Variants in NTNG2 observed in about 807,000 individuals in gnomAD.
NTNG2 encodes the protein netrin-G2.
Under a neutral mutation model 47.6 loss-of-function variants are expected in NTNG2, and 15 were observed. The observed-to-expected ratio is 0.32, with a 90% CI of 0.21 to 0.49. The LOEUF is 0.49. Ranked by LOEUF, NTNG2 falls within the 20% of genes least tolerant of loss-of-function variation. The pLI, the probability that NTNG2 is intolerant of heterozygous loss-of-function variation, is 0.99. For missense variants in NTNG2, 578 were observed against 764.6 expected (o/e 0.76, Z 2.88); for synonymous variants, 307 against 324.6 (o/e 0.95, Z 0.58).
At chr9:132,237,849 G>A (rs992207584) in intron 5 of NTNG2, among the ~76,000 whole-genome samples, 10 of 152,188 alleles carry the variant, frequency 6.6e-5, no homozygotes, top group African/African-American at 1.9e-4. Context: ...TGGGACACAC[G>A]GGTCACCGAT....
In NTNG2 at chr9:132,208,046, G is replaced by A. The variant is rs1839304276; in HGVS notation, c.857+9437G>A. 6.6e-6 allele frequency among the ~76,000 whole-genome samples: 1 copy of A among 152,160 alleles called. No homozygotes were observed. Among genetic ancestry groups the A allele is most frequent in the Non-Finnish European group, 1.5e-5 (1 of 68,030 alleles). On this transcript the variant is annotated intron_variant, in intron 3 of 7. Coordinates refer to ENST00000393229, the MANE Select transcript of NTNG2 (RefSeq NM_032536.4). The surrounding 1 kb of genome is among the most constrained non-coding windows in gnomAD (Gnocchi z 4.0). ...TTGAGCCCAGGAAGTCAAGCCTGCAGTGAGTTATGACTGTGCTACTGCACT... is the reference window on the plus strand; with the variant it reads ...TTGAGCCCAGGAAGTCAAGCCTGCAATGAGTTATGACTGTGCTACTGCACT...
At chr9:132,202,624 G>A (rs1479947042) in intron 3 of NTNG2, among the ~76,000 whole-genome samples, 1 of 152,230 alleles carries the variant, frequency 6.6e-6, no homozygotes, top group African/African-American at 2.4e-5. Context: ...GGCAGAATCT[G>A]GATTTGAGGA....
At chr9:132,173,237 T>C (rs1836071321) in intron 2 of NTNG2, among the ~76,000 whole-genome samples, 1 of 152,208 alleles carries the variant, frequency 6.6e-6, no homozygotes, top group Non-Finnish European at 1.5e-5. Flanking sequence ...TCTCTTGAAA[T>C]GCCCGAGGCA....
intron 2 of NTNG2, among the ~76,000 whole-genome samples, chr9:132,184,661 C>G (rs1046441512): frequency 1.3e-5 from 2 of 152,190 alleles, no homozygotes; most frequent in African/African-American, 4.8e-5. Flanking sequence ...TGGTGGCTCA[C>G]GCCTGTAATC....
chr9:132,194,431 C>A (rs1231962681), intron 2 of NTNG2, among the ~76,000 whole-genome samples: 2 of 152,216 alleles, frequency 1.3e-5, no homozygotes, highest in African/African-American at 4.8e-5. Flanking sequence ...AGTCCCTCAC[C>A]ATTCCAGGCA....
chr9:132,184,467 G>C (rs1837186100), intron 2 of NTNG2, among the ~76,000 whole-genome samples: 2 of 152,238 alleles, frequency 1.3e-5, no homozygotes, highest in Non-Finnish European at 2.9e-5. Flanking sequence ...TGCTCCCTTG[G>C]GACTGGGGGG....
intron 2 of NTNG2, among the ~76,000 whole-genome samples, chr9:132,191,724 G>A (rs951870711): frequency 5.9e-5 from 9 of 152,002 alleles, no homozygotes; most frequent in African/African-American, 1.2e-4. Flanking sequence ...GGCGCCCGCC[G>A]CTACACCCGG....
At chr9:132,195,062 T>G (rs1364895940) in intron 2 of NTNG2, among the ~76,000 whole-genome samples, 3 of 152,272 alleles carry the variant, frequency 2.0e-5, no homozygotes, top group Non-Finnish European at 4.4e-5. Context: ...TCCGGAGCAC[T>G]GGGTGGTTGT....
At chr9:132,198,731 T>G in intron 3 of NTNG2, 122 bp downstream of exon 3, 2 of 1,068,826 alleles carry the variant, frequency 1.9e-6, no homozygotes, top group Non-Finnish European at 2.7e-6. Context: ...CTTGGGATGT[T>G]ACCTGGTTCC....
At chr9:132,188,449 TG>T (rs1028334802) in intron 2 of NTNG2, among the ~76,000 whole-genome samples, 1 of 152,196 alleles carries the variant, frequency 6.6e-6, no homozygotes, top group African/African-American at 2.4e-5. Flanking sequence ...CCCAGCTCAG[TG>T]GGCCATCCCC....
At chr9:132,189,663 G>A (rs1379766984) in intron 2 of NTNG2, among the ~76,000 whole-genome samples, 9 of 150,734 alleles carry the variant, frequency 6.0e-5, no homozygotes, top group Non-Finnish European at 1.0e-4. Flanking sequence ...TTTTTGAGAC[G>A]GAGTCTCACT....
intron 2 of NTNG2, among the ~76,000 whole-genome samples, chr9:132,196,499 A>G (rs1356477949): frequency 6.6e-6 from 1 of 152,026 alleles, no homozygotes; most frequent in East Asian, 1.9e-4. Flanking sequence ...GCCTGGGTCT[A>G]TGGGTTTTGA....
intron 3 of NTNG2, among the ~76,000 whole-genome samples, chr9:132,213,141 T>C (rs1245277697): frequency 6.6e-6 from 1 of 151,708 alleles, no homozygotes; most frequent in Non-Finnish European, 1.5e-5. Flanking sequence ...AAAACCCTCG[T>C]CTCTACTAAA....
chr9:132,174,760 A>G (rs974949423), intron 2 of NTNG2, among the ~76,000 whole-genome samples: 2 of 152,002 alleles, frequency 1.3e-5, no homozygotes, highest in East Asian at 1.9e-4. Flanking sequence ...CGTCTCTACT[A>G]AAAATACAAA....
At chr9:132,216,393 T>C (rs1387917111) in intron 3 of NTNG2, among the ~76,000 whole-genome samples, 1 of 88,562 alleles carries the variant, frequency 1.1e-5, no homozygotes, top group African/African-American at 7.0e-5. Flanking sequence ...TCTCTCTCTC[T>C]CTCTCTCTCT....
At chr9:132,207,100 G>A (rs28582874) in intron 3 of NTNG2, among the ~76,000 whole-genome samples, 16,724 of 152,306 alleles carry the variant, frequency 0.11, 2,594 homozygotes, top group African/African-American at 0.35. Context: ...GCACTAGGCA[G>A]AATCGGGGTT....
chr9:132,185,302 C>T (rs943502236), intron 2 of NTNG2, among the ~76,000 whole-genome samples: 13 of 152,272 alleles, frequency 8.5e-5, no homozygotes, highest in Non-Finnish European at 1.8e-4. Context: ...GGGCAGCTCT[C>T]AGAGAAGAGG....
rs535913280 is a variant in NTNG2, at chr9:132,163,790, CAG to C, written c.-484+1555_-484+1556del. 2.9e-3 allele frequency among the ~76,000 whole-genome samples: 441 copies of C among 152,376 alleles called. 3 individuals carry two copies. The highest frequency in any genetic ancestry group is 0.01 in the African/African-American group (427 of 41,590). ...CTCGGGAGGCGCTAATTCAATAAGA[CAG>C]AGAAATCTGAGTTCAGAAATCCTGA... is the stretch of plus-strand genomic sequence containing the variant. On this transcript the variant is annotated intron_variant, in intron 1 of 7. Transcript: ENST00000393229. The surrounding 1 kb of genome is among the most constrained non-coding windows in gnomAD (Gnocchi z 7.2).
At chr9:132,188,222 C>CCAGCCTTCCACCTTGTATGCGGCAG (rs1837554741) in intron 2 of NTNG2, among the ~76,000 whole-genome samples, 1 of 152,246 alleles carries the variant, frequency 6.6e-6, no homozygotes, top group African/African-American at 2.4e-5. Context: ...TGGGCAGCCT[C>CCAGCCTTCCACCTTGTATGCGGCAG]CAGCCTTCCA....
Sources: gnomAD v4.1 joint callset for allele counts (sites outside exome capture counted in the v4.1 genomes callset) on GRCh38, gnomAD v4.1.1 for gene constraint, Gnocchi (gnomAD v3.1) non-coding constraint, MANE v1.5 for transcripts, NCBI Gene and HGNC (gene_info 2026-07-23, HGNC 2026-07-21) for gene names.